The following SSBP2 variants were observed in gnomAD, a reference collection of about 807,000 sequenced individuals.
SSBP2 encodes the protein single stranded DNA binding protein 2.
In SSBP2, 17 loss-of-function variants were observed where a neutral mutation model predicts 61.8. The observed-to-expected ratio is 0.28, with a 90% CI of 0.19 to 0.41. The LOEUF (loss-of-function observed/expected upper bound fraction) is 0.41, where lower values mean the gene tolerates loss of function less well. Ranked by LOEUF, SSBP2 falls within the 10% of genes least tolerant of loss-of-function variation. The probability of loss-of-function intolerance (pLI) is 1.00; values close to 1 mark genes in which losing one functional copy is unlikely to be tolerated. For synonymous variants in SSBP2, 139 were observed against 141.3 expected (o/e 0.98, Z 0.12); for missense variants, 310 against 458.7 (o/e 0.68, Z 2.96).
At chr5:81,589,130 C>A (rs72773051) in intron 4 of SSBP2, among the ~76,000 whole-genome samples, 1,649 of 152,176 alleles carry the variant, frequency 0.011, 29 homozygotes, top group Middle Eastern at 0.034. Context: ...AACGTACTTA[C>A]TAGAAACAAA....
chr5:81,522,276 T>C (rs1374037313), intron 4 of SSBP2, among the ~76,000 whole-genome samples: 1 of 152,046 alleles, frequency 6.6e-6, no homozygotes, highest in Non-Finnish European at 1.5e-5. Flanking sequence ...ATGTGAAGCA[T>C]ACCAAATACA....
chr5:81,563,758 C>T (rs1773222735), intron 4 of SSBP2, among the ~76,000 whole-genome samples: 2 of 152,180 alleles, frequency 1.3e-5, no homozygotes, highest in African/African-American at 2.4e-5. Flanking sequence ...AATGGATTAA[C>T]GACTTAAACA....
At chr5:81,531,376 A>G (rs1008135863) in intron 4 of SSBP2, among the ~76,000 whole-genome samples, 1 of 152,096 alleles carries the variant, frequency 6.6e-6, no homozygotes, top group Non-Finnish European at 1.5e-5. Flanking sequence ...GTGGGCTTAT[A>G]TACCAGACAC....
At chr5:81,733,870 T>C (rs7735543) in intron 1 of SSBP2, among the ~76,000 whole-genome samples, 3,821 of 152,264 alleles carry the variant, frequency 0.025, 175 homozygotes, top group African/African-American at 0.087. Flanking sequence ...TTCAAATAGT[T>C]AAATGTCCAT....
intron 4 of SSBP2, among the ~76,000 whole-genome samples, chr5:81,589,278 T>TA (rs1429323939): frequency 1.3e-5 from 2 of 152,132 alleles, no homozygotes; most frequent in African/African-American, 4.8e-5. Context: ...CTACAAAAGA[T>TA]AAACAGTGAA....
intron 9 of SSBP2, among the ~76,000 whole-genome samples, chr5:81,465,589 G>C (rs1294546154): frequency 1.3e-5 from 2 of 151,888 alleles, no homozygotes; most frequent in African/African-American, 4.8e-5. Context: ...GATCATTCTG[G>C]GGTGATCATA....
intron 4 of SSBP2, among the ~76,000 whole-genome samples, chr5:81,536,980 G>T (rs1477773830): frequency 6.7e-6 from 1 of 149,182 alleles, no homozygotes; most frequent in Non-Finnish European, 1.5e-5. Flanking sequence ...CTCCAGCTTG[G>T]GCAACAGAGC....
intron 1 of SSBP2, among the ~76,000 whole-genome samples, chr5:81,719,655 C>T (rs1419189630): frequency 6.6e-6 from 1 of 152,144 alleles, no homozygotes; most frequent in African/African-American, 2.4e-5. Flanking sequence ...GAGTTTATTA[C>T]TCGCAGTTCT....
chr5:81,746,964 T>C (rs1581470764), intron 1 of SSBP2, among the ~76,000 whole-genome samples: 2 of 139,778 alleles, frequency 1.4e-5, no homozygotes. Context: ...ACATTTCATA[T>C]AGGAATTGTT....
intron 3 of SSBP2, among the ~76,000 whole-genome samples, chr5:81,632,933 T>C (rs1413866471): frequency 2.6e-5 from 4 of 152,076 alleles, no homozygotes; most frequent in African/African-American, 7.2e-5. Context: ...TTATAAGTCA[T>C]TGATGGCCTT....
chr5:81,587,506 C>T (rs993749411), intron 4 of SSBP2, among the ~76,000 whole-genome samples: 79 of 152,066 alleles, frequency 5.2e-4, no homozygotes, highest in Non-Finnish European at 1.3e-4. Flanking sequence ...CCAAGGCAGG[C>T]GGCTCACTTG....
rs557240923 is a variant in SSBP2, at chr5:81,595,691, G to T, written c.282+19782C>A. ...GGGATGCAAGGCTGGTTCAACATAT[G>T]CAAATCAATAAATGTAATCCAGCAT... On this transcript the variant is annotated intron_variant, in intron 4 of 16. Transcript: ENST00000320672. Among the ~76,000 whole-genome samples the T allele has an allele frequency of 7.2e-5, 11 of 152,226 alleles. No individual in the cohort carries two copies. The South Asian group carries it at 2.3e-3, about 32-fold the overall frequency.
chr5:81,586,899 TC>T (rs1048187565), intron 4 of SSBP2, among the ~76,000 whole-genome samples: 38 of 151,880 alleles, frequency 2.5e-4, no homozygotes, highest in Admixed American at 2.3e-3. Flanking sequence ...CCAGTAAAAA[TC>T]TTGGGCGCTC....
intron 1 of SSBP2, among the ~76,000 whole-genome samples, chr5:81,700,580 G>C (rs1446923983): frequency 1.3e-5 from 2 of 152,182 alleles, no homozygotes; most frequent in Non-Finnish European, 2.9e-5. Flanking sequence ...CTCTAGCTGT[G>C]AAGTCCTACA....
intron 5 of SSBP2, among the ~76,000 whole-genome samples, chr5:81,489,825 C>T (rs1380895507): frequency 6.6e-6 from 1 of 151,910 alleles, no homozygotes; most frequent in Non-Finnish European, 1.5e-5. Context: ...GTCAAAAAAG[C>T]TCTGGCTTTT....
chr5:81,587,229 T>C (rs1225261195), intron 4 of SSBP2, among the ~76,000 whole-genome samples: 1 of 152,228 alleles, frequency 6.6e-6, no homozygotes, highest in Non-Finnish European at 1.5e-5. Context: ...CTATATTTTG[T>C]CTCATTTACA....
chr5:81,427,873 C>T (rs779853106), intron 16 of SSBP2, among the ~76,000 whole-genome samples: 15 of 152,098 alleles, frequency 9.9e-5, no homozygotes, highest in African/African-American at 1.7e-4. Context: ...TTCTGGGAAA[C>T]TGTATTTTAA....
intron 4 of SSBP2, among the ~76,000 whole-genome samples, chr5:81,547,188 A>C (rs921159449): frequency 6.6e-6 from 1 of 152,172 alleles, no homozygotes; most frequent in Non-Finnish European, 1.5e-5. Flanking sequence ...GCCACTTTGG[A>C]AGACAGTTTG....
At chr5:81,709,863 T>C (rs909006912) in intron 1 of SSBP2, among the ~76,000 whole-genome samples, 2 of 152,024 alleles carry the variant, frequency 1.3e-5, no homozygotes, top group Admixed American at 6.6e-5. Context: ...GCATGCTATT[T>C]AGAAGTCAGT....
Sources: allele counts gnomAD v4.1 joint callset (sites outside exome capture counted in the v4.1 genomes callset), GRCh38; gene constraint gnomAD v4.1.1; transcripts MANE v1.5; gene names NCBI Gene and HGNC (gene_info 2026-07-23, HGNC 2026-07-21).